NRG3: variants seen among roughly 807,000 people sequenced by gnomAD.
The protein encoded by NRG3 is neuregulin 3, also known as pro-neuregulin-3, membrane-bound isoform.
Under a neutral mutation model 66.9 loss-of-function variants are expected in NRG3, and 31 were observed. That is an observed-to-expected ratio of 0.46 (90% CI 0.35 to 0.63). The LOEUF is 0.63. NRG3 is among the 20% of genes least tolerant of loss of function. NRG3 has a pLI of 0.00. For synonymous variants in NRG3, 393 were observed against 359.4 expected (o/e 1.09, Z -1.06); for missense variants, 910 against 878.9 (o/e 1.04, Z -0.45).
chr10:82,347,920 G>A (rs1299794192), intron 1 of NRG3, among the ~76,000 whole-genome samples: 1 of 151,582 alleles, frequency 6.6e-6, no homozygotes, highest in Non-Finnish European at 1.5e-5. Flanking sequence ...CATTTGCTTG[G>A]TAGATCTTCC....
At chr10:82,066,474 G>T (rs1189823772) in intron 1 of NRG3, among the ~76,000 whole-genome samples, 1 of 152,066 alleles carries the variant, frequency 6.6e-6, no homozygotes, top group African/African-American at 2.4e-5. Context: ...TTTACTTATG[G>T]TTAACTGATG....
intron 1 of NRG3, among the ~76,000 whole-genome samples, chr10:82,148,943 C>T (rs1455818386): frequency 6.6e-6 from 1 of 152,012 alleles, no homozygotes; most frequent in Non-Finnish European, 1.5e-5. Flanking sequence ...AATGAGTGAA[C>T]CACCACAGGT....
At chr10:82,061,842 TTC>T (rs72439199) in intron 1 of NRG3, among the ~76,000 whole-genome samples, 48 of 146,572 alleles carry the variant, frequency 3.3e-4, no homozygotes, top group African/African-American at 6.1e-4. Flanking sequence ...CAGTGTCCCT[TTC>T]TCTCTCTCTC....
At chr10:82,458,616 A>T (rs964468954) in intron 2 of NRG3, among the ~76,000 whole-genome samples, 23 of 152,352 alleles carry the variant, frequency 1.5e-4, no homozygotes, top group African/African-American at 5.3e-4. Context: ...TCTGTCTCTC[A>T]AGAAGGACAC....
chr10:82,650,339 C>T (rs908914746), intron 2 of NRG3, among the ~76,000 whole-genome samples: 1 of 152,152 alleles, frequency 6.6e-6, no homozygotes, highest in African/African-American at 2.4e-5. Flanking sequence ...CAGCTTCCAG[C>T]TCCTCCCAGC....
chr10:82,139,453 G>A (rs2069609836), intron 1 of NRG3, among the ~76,000 whole-genome samples: 1 of 152,070 alleles, frequency 6.6e-6, no homozygotes, highest in African/African-American at 2.4e-5. Context: ...TGTAACTGGT[G>A]GTATTAGAAT....
chr10:82,446,476 T>C (rs2090730218), intron 2 of NRG3, among the ~76,000 whole-genome samples: 1 of 152,136 alleles, frequency 6.6e-6, no homozygotes. Flanking sequence ...TGAGATCATG[T>C]CCTTTACAAG....
At chr10:82,902,548 A>T in intron 4 of NRG3, among the ~76,000 whole-genome samples, 1 of 152,158 alleles carries the variant, frequency 6.6e-6, no homozygotes, top group East Asian at 1.9e-4. Flanking sequence ...GTCAGTAATT[A>T]AAAGTTCAAG....
At chr10:82,256,378 A>C (rs1404640716) in intron 1 of NRG3, among the ~76,000 whole-genome samples, 3 of 152,166 alleles carry the variant, frequency 2.0e-5, no homozygotes, top group African/African-American at 4.8e-5. Flanking sequence ...GTTATTTTGA[A>C]TGCTTTGTAT....
Position 81,876,048 on chromosome 10 carries a change from C to T in NRG3, c.708C>T (p.His236=). 6.2e-7 allele frequency: 1 copy of T among 1,613,974 alleles called. No individual in the cohort carries two copies. Among genetic ancestry groups the T allele is most frequent in the Non-Finnish European group, 8.5e-7 (1 of 1,180,026 alleles). The change falls in exon 1 of 9, where the codon CAC becomes CAT. Residue 236 remains histidine, a synonymous_variant. Transcript: ENST00000372141. Reference sequence around the variant, plus strand: ...CATACGCTACCTCCTCCTACCTTCACGATTCTACTCCCTCCTGGACCCTGT... The same window carrying T: ...CATACGCTACCTCCTCCTACCTTCATGATTCTACTCCCTCCTGGACCCTGT... ...TAAYATSSYL[H]DSTPSWTLSP...
intron 2 of NRG3, among the ~76,000 whole-genome samples, chr10:82,364,896 A>G (rs1229047294): frequency 2.0e-5 from 3 of 152,204 alleles, no homozygotes; most frequent in South Asian, 2.1e-4. Flanking sequence ...TTGTATAACA[A>G]TCTGACATGC....
intron 2 of NRG3, among the ~76,000 whole-genome samples, chr10:82,494,898 A>C (rs891075693): frequency 4.6e-5 from 7 of 151,968 alleles, no homozygotes; most frequent in Admixed American, 3.9e-4. Context: ...TATTATATGC[A>C]TATCAGACAC....
At chr10:82,084,427 T>TC (rs1031682244) in intron 1 of NRG3, among the ~76,000 whole-genome samples, 6 of 151,672 alleles carry the variant, frequency 4.0e-5, no homozygotes, top group Non-Finnish European at 8.8e-5. Context: ...AATCCTACTT[T>TC]CAATTGCTTT....
intron 1 of NRG3, among the ~76,000 whole-genome samples, chr10:82,309,470 A>C (rs1001394479): frequency 1.1e-4 from 16 of 152,164 alleles, no homozygotes; most frequent in African/African-American, 3.6e-4. Flanking sequence ...GCATTACAAA[A>C]AAAAAAAAAT....
chr10:82,606,943 C>A (rs1017275111), intron 2 of NRG3, among the ~76,000 whole-genome samples: 3 of 152,110 alleles, frequency 2.0e-5, no homozygotes, highest in African/African-American at 4.8e-5. Context: ...ATCAGCAATC[C>A]CACACTTTGG....
chr10:82,163,262 G>A (rs1372529220), intron 1 of NRG3, among the ~76,000 whole-genome samples: 1 of 152,124 alleles, frequency 6.6e-6, no homozygotes, highest in African/African-American at 2.4e-5. Context: ...AACTGAAGGA[G>A]TGACTTAATC....
At chr10:82,687,439 A>G (rs1487822541) in intron 2 of NRG3, among the ~76,000 whole-genome samples, 2 of 152,170 alleles carry the variant, frequency 1.3e-5, no homozygotes, top group African/African-American at 4.8e-5. Context: ...CTTCTGACTT[A>G]GCTCTTCTTT....
chr10:82,091,224 C>A (rs911948140), intron 1 of NRG3, among the ~76,000 whole-genome samples: 2 of 152,158 alleles, frequency 1.3e-5, no homozygotes, highest in African/African-American at 2.4e-5. Context: ...GATACATTCA[C>A]AATGTCGCGT....
intron 2 of NRG3, among the ~76,000 whole-genome samples, chr10:82,609,434 A>G (rs530934628): frequency 2.6e-5 from 4 of 152,302 alleles, no homozygotes; most frequent in South Asian, 4.1e-4. Context: ...TTTCAGGACT[A>G]CAATCTATTC....
Sources: gnomAD v4.1 joint callset for allele counts (sites outside exome capture counted in the v4.1 genomes callset) on GRCh38, gnomAD v4.1.1 for gene constraint, MANE v1.5 for transcripts, NCBI Gene and HGNC (gene_info 2026-07-23, HGNC 2026-07-21) for gene names.